The following OXCT1 variants were observed in gnomAD, a reference collection of about 807,000 sequenced individuals.
OXCT1 encodes succinyl-CoA:3-ketoacid coenzyme A transferase 1, mitochondrial.
OXCT1 carries 27 observed loss-of-function variants against 69.6 expected under a neutral mutation model. The observed-to-expected ratio is 0.39, with a 90% CI of 0.29 to 0.54. OXCT1 has a LOEUF of 0.54. OXCT1 is among the 20% of genes least tolerant of loss of function. OXCT1 has a pLI of 0.72. For missense variants in OXCT1, 437 were observed against 650.2 expected (o/e 0.67, Z 3.57); for synonymous variants, 202 against 217.8 (o/e 0.93, Z 0.64).
rs116948711 is a variant in OXCT1, at chr5:41,792,280, T to A, written c.1248+1723A>T. 1.8e-4 allele frequency among the ~76,000 whole-genome samples: 27 copies of A among 152,324 alleles called. 1 individual carries two copies. The East Asian group carries it at 5.2e-3, about 29-fold the overall frequency. ...AATAGGAAATTAGCTCAAGTTACAC[T>A]GCCAGCAAGCGTCAGAAATAAGACT... On this transcript the variant is annotated intron_variant, in intron 13 of 16. Transcript: ENST00000196371.
chr5:41,764,583 T>A (rs1190813831), intron 13 of OXCT1, among the ~76,000 whole-genome samples: 1 of 152,164 alleles, frequency 6.6e-6, no homozygotes, highest in Non-Finnish European at 1.5e-5. Flanking sequence ...CTCTCTCTTA[T>A]CACAAAGTAC....
chr5:41,803,765 G>A (rs1408327013), intron 9 of OXCT1, among the ~76,000 whole-genome samples: 5 of 152,070 alleles, frequency 3.3e-5, no homozygotes, highest in Non-Finnish European at 7.4e-5. Flanking sequence ...CATCGATAAA[G>A]GAGCTGTTGT....
chr5:41,785,012 T>TTTTTTGAATCTATGTATTC (rs1745579717), intron 13 of OXCT1, among the ~76,000 whole-genome samples: 2 of 152,164 alleles, frequency 1.3e-5, no homozygotes, highest in Non-Finnish European at 2.9e-5. Context: ...TAGTCATAGA[T>TTTTTTGAATCTATGTATTC]AAAAGTATTT....
rs771399594 is a variant in OXCT1 at position 41,853,400 on chromosome 5, G to C, written c.414+19C>G. 4.3e-6 allele frequency: 7 copies of C among 1,610,768 alleles called. No homozygotes were observed. In the South Asian group the frequency reaches 7.7e-5, roughly 18 times the overall value. On this transcript the variant is annotated intron_variant, in intron 4 of 16. Transcript: ENST00000196371. ...TTTAAAGTAAGTTAGTATTATAAAAGAAAAGCAAATTTTCTCACCTGTGGT... is the reference window on the plus strand; with the variant it reads ...TTTAAAGTAAGTTAGTATTATAAAACAAAAGCAAATTTTCTCACCTGTGGT...
chr5:41,779,210 T>C (rs1044957505), intron 13 of OXCT1, among the ~76,000 whole-genome samples: 5 of 152,196 alleles, frequency 3.3e-5, no homozygotes, highest in Non-Finnish European at 5.9e-5. Flanking sequence ...TCTTTAGAAA[T>C]GTGTAAATCC....
At chr5:41,850,332 T>C (rs1749121540) in intron 4 of OXCT1, among the ~76,000 whole-genome samples, 153 bp from the exon 5 acceptor site, 1 of 152,220 alleles carries the variant, frequency 6.6e-6, no homozygotes, top group Admixed American at 6.5e-5. Context: ...TATTGTATGC[T>C]AGAAGATCAA....
chr5:41,868,591 C>CG (rs1750117930), intron 1 of OXCT1, among the ~76,000 whole-genome samples: 1 of 151,390 alleles, frequency 6.6e-6, no homozygotes, highest in African/African-American at 2.4e-5. Flanking sequence ...GGCGTAGTGG[C>CG]GGGCGCCTGT....
At chr5:41,739,254 C>T in intron 16 of OXCT1, 136 bp downstream of exon 16, 6 of 693,370 alleles carry the variant, frequency 8.7e-6, no homozygotes, top group East Asian at 8.5e-5. Flanking sequence ...TAGAGGCACC[C>T]TTCCTTCTAC....
At chr5:41,853,916 G>T (rs1181897269) in intron 3 of OXCT1, among the ~76,000 whole-genome samples, 1 of 152,140 alleles carries the variant, frequency 6.6e-6, no homozygotes, top group Non-Finnish European at 1.5e-5. Context: ...TGAGTTAGAA[G>T]ATAAGCAAAG....
intron 9 of OXCT1, 127 bp downstream of exon 9, chr5:41,805,439 AT>A (rs1419896506): frequency 1.1e-5 from 7 of 660,476 alleles, no homozygotes; most frequent in Non-Finnish European, 1.9e-5. Flanking sequence ...AAAAAAAAAA[AT>A]TGATTAATTA....
At chr5:41,752,898 G>A (rs893380440) in intron 14 of OXCT1, among the ~76,000 whole-genome samples, 9 of 151,860 alleles carry the variant, frequency 5.9e-5, no homozygotes, top group East Asian at 1.9e-4. Context: ...CTCCTTCAGC[G>A]CTTACAGGAC....
At chr5:41,778,172 G>C (rs1352213191) in intron 13 of OXCT1, among the ~76,000 whole-genome samples, 1 of 152,066 alleles carries the variant, frequency 6.6e-6, no homozygotes, top group Non-Finnish European at 1.5e-5. Flanking sequence ...TTTAGAAATT[G>C]GTACTTACAT....
chr5:41,832,276 T>C (rs1748135225), intron 7 of OXCT1, among the ~76,000 whole-genome samples: 1 of 151,548 alleles, frequency 6.6e-6, no homozygotes, highest in South Asian at 2.1e-4. Flanking sequence ...GTCCCAGTGG[T>C]GGTGGCCATA....
chr5:41,758,283 T>C (rs1744181984), intron 14 of OXCT1, among the ~76,000 whole-genome samples: 1 of 152,084 alleles, frequency 6.6e-6, no homozygotes, highest in Non-Finnish European at 1.5e-5. Context: ...ATGATTTAGT[T>C]GGCAAAATTT....
rs375334919 is a variant in OXCT1, at chr5:41,798,565, C to T, written c.1099+2457G>A. ...AAATCAGACCCCACCCCATTGAAAA[C>T]GACTAGTGCAGAGAGGACATGGCAG... is the stretch of plus-strand genomic sequence containing the variant. On this transcript the variant is annotated intron_variant, in intron 11 of 16. Transcript: ENST00000196371. Among the ~76,000 whole-genome samples the T allele has an allele frequency of 5.7e-4, 87 of 152,216 alleles. No homozygotes were observed. In the East Asian group the frequency reaches 8.1e-3, roughly 14 times the overall value.
intron 15 of OXCT1, among the ~76,000 whole-genome samples, chr5:41,740,167 G>A (rs1431510813): frequency 6.6e-6 from 1 of 152,022 alleles, no homozygotes; most frequent in African/African-American, 2.4e-5. Context: ...GAAGAAAGAG[G>A]GAGAGAGAAA....
chr5:41,804,656 T>A (rs963803066), intron 9 of OXCT1, among the ~76,000 whole-genome samples: 12 of 151,992 alleles, frequency 7.9e-5, no homozygotes. Context: ...TTCCCCTATG[T>A]GAGTTTGCAC....
chr5:41,854,543 T>C (rs1382776003), intron 3 of OXCT1, among the ~76,000 whole-genome samples: 1 of 152,172 alleles, frequency 6.6e-6, no homozygotes, highest in African/African-American at 2.4e-5. Context: ...ATAAAACATT[T>C]CTAAGATAAG....
chr5:41,805,441 T>G, intron 9 of OXCT1, 126 bp downstream of exon 9: 1 of 664,314 alleles, frequency 1.5e-6, no homozygotes, highest in Admixed American at 2.7e-5. Context: ...AAAAAAAAAT[T>G]GATTAATTAC....
Sources: gnomAD v4.1 joint callset for allele counts (sites outside exome capture counted in the v4.1 genomes callset) on GRCh38, gnomAD v4.1.1 for gene constraint, MANE v1.5 for transcripts, NCBI Gene and HGNC (gene_info 2026-07-23, HGNC 2026-07-21) for gene names.